GREB1L: variants seen among roughly 807,000 people sequenced by gnomAD.
GREB1L encodes GREB1 like retinoic acid receptor coactivator.
Under a neutral mutation model 200.8 loss-of-function variants are expected in GREB1L, and 17 were observed. That is an observed-to-expected ratio of 0.08 (90% confidence interval 0.06 to 0.13). The LOEUF is 0.13. Among genes scored for constraint, GREB1L ranks in the 10% least tolerant of loss-of-function variants. The probability of loss-of-function intolerance (pLI) is 1.00; values close to 1 mark genes in which losing one functional copy is unlikely to be tolerated. For synonymous variants in GREB1L, 789 were observed against 893.0 expected (o/e 0.88, Z 2.08); for missense variants, 1,657 against 2,367.7 (o/e 0.70, Z 6.23).
At chr18:21,403,403 C>T (rs1438054944) in intron 6 of GREB1L, among the ~76,000 whole-genome samples, 1 of 152,118 alleles carries the variant, frequency 6.6e-6, no homozygotes, top group Admixed American at 6.5e-5. Flanking sequence ...ATACATTTTT[C>T]TTTGCTTCTG....
chr18:21,491,438 A>C (rs7226617), intron 19 of GREB1L, among the ~76,000 whole-genome samples: 49,578 of 152,004 alleles, frequency 0.33, 11,183 homozygotes, highest in African/African-American at 0.61. Context: ...GGCTGGGCGC[A>C]GTGGCTCATG....
intron 1 of GREB1L, among the ~76,000 whole-genome samples, chr18:21,351,249 T>A (rs1344895132): frequency 6.6e-6 from 1 of 152,160 alleles, no homozygotes; most frequent in African/African-American, 2.4e-5. Flanking sequence ...CTGCTTAACA[T>A]TTTGAAAACT....
intron 7 of GREB1L, among the ~76,000 whole-genome samples, chr18:21,416,507 A>G (rs1327887475): frequency 1.3e-5 from 2 of 152,082 alleles, no homozygotes; most frequent in East Asian, 3.9e-4. Flanking sequence ...CCTGGCTAAC[A>G]TGGTGAAACC....
chr18:21,395,132 A>G (rs1473039807), intron 4 of GREB1L, among the ~76,000 whole-genome samples: 2 of 151,334 alleles, frequency 1.3e-5, no homozygotes, highest in African/African-American at 4.9e-5. Context: ...AGAAAAAAAA[A>G]AGAAAAAATA....
intron 2 of GREB1L, among the ~76,000 whole-genome samples, chr18:21,372,144 G>GTT: frequency 6.7e-6 from 1 of 149,654 alleles, no homozygotes; most frequent in African/African-American, 2.5e-5. Flanking sequence ...ATACAAATTT[G>GTT]TCTCTCTTTT....
intron 12 of GREB1L, 129 bp from the exon 13 acceptor site, chr18:21,450,894 T>A (rs1403961157): frequency 1.3e-6 from 1 of 765,398 alleles, no homozygotes; most frequent in Non-Finnish European, 2.1e-6. Flanking sequence ...TTTTGATGTG[T>A]CATAATTTTC....
intron 7 of GREB1L, among the ~76,000 whole-genome samples, chr18:21,420,418 T>A (rs1381541439): frequency 2.1e-5 from 3 of 145,790 alleles, no homozygotes; most frequent in Non-Finnish European, 4.5e-5. Context: ...AGGAGAAAAA[T>A]CTTTGCAAAG....
chr18:21,364,661 G>C (rs1473926502), intron 1 of GREB1L, among the ~76,000 whole-genome samples: 1 of 152,142 alleles, frequency 6.6e-6, no homozygotes, highest in South Asian at 2.1e-4. Flanking sequence ...GGATCAGGTC[G>C]TTTAAGAGAA....
At chr18:21,455,266 T>G (rs2034703599) in intron 15 of GREB1L, 1 of 152,128 alleles carries the variant, frequency 6.6e-6, no homozygotes, top group Non-Finnish European at 1.5e-5. Context: ...TAAACTAGGT[T>G]TGAAAACGAA....
At chr18:21,297,221 A>C (rs572927173) in intron 1 of GREB1L, among the ~76,000 whole-genome samples, 2 of 152,286 alleles carry the variant, frequency 1.3e-5, no homozygotes, top group South Asian at 4.1e-4. Flanking sequence ...TGTAGAGAAA[A>C]GATGAGAAAT....
At chr18:21,328,956 G>T (rs1386558916) in intron 1 of GREB1L, among the ~76,000 whole-genome samples, 3 of 152,162 alleles carry the variant, frequency 2.0e-5, no homozygotes, top group African/African-American at 7.2e-5. Flanking sequence ...CCCTTGAAAT[G>T]TGGGGGAGCT....
At chr18:21,296,665 T>G (rs1163375413) in intron 1 of GREB1L, among the ~76,000 whole-genome samples, 1 of 151,898 alleles carries the variant, frequency 6.6e-6, no homozygotes, top group Admixed American at 6.6e-5. Context: ...TTTTGTTTTT[T>G]TTTTTTTGAG....
At position 21,422,821 on chromosome 18, in the gene GREB1L, G is replaced by A. The variant is rs118137303; in HGVS notation, c.833-16700G>A. 2.5e-3 allele frequency among the ~76,000 whole-genome samples: 382 copies of A among 152,268 alleles called. 2 individuals carry two copies. The highest frequency in any genetic ancestry group is 4.8e-3 in the Non-Finnish European group (324 of 68,026). On this transcript the variant is annotated intron_variant, in intron 7 of 32. Coordinates refer to ENST00000424526, the MANE Select transcript of GREB1L (RefSeq NM_001142966.3). ...ATACTCATTTGTAATTTCTATGCAT[G>A]CTGTCAAATTACTCTCCTAACAGGT... is the stretch of plus-strand genomic sequence containing the variant.
At position 21,525,623 on chromosome 18, in the gene GREB1L, A is replaced by AAAC. The variant is rs1279094177; in HGVS notation, c.*2804_*2806dup. Among the ~76,000 whole-genome samples, 5 of 152,216 alleles carry AAAC rather than the reference A, an allele frequency of 3.3e-5. No individual in the cohort carries two copies. The highest frequency in any genetic ancestry group is 9.6e-5 in the African/African-American group (4 of 41,456). ...TACACTCACTTTGATGTCCTTCTGGAAACAGAACAACTTTGGGTTGCTAAA... is the reference window on the plus strand; with the variant it reads ...TACACTCACTTTGATGTCCTTCTGGAAACAACAGAACAACTTTGGGTTGCTAAA... On this transcript the variant is annotated 3_prime_UTR_variant, in exon 33 of 33. Coordinates refer to ENST00000424526, the MANE Select transcript of GREB1L (RefSeq NM_001142966.3).
chr18:21,466,491 A>G (rs2035266913), intron 15 of GREB1L, among the ~76,000 whole-genome samples: 1 of 152,076 alleles, frequency 6.6e-6, no homozygotes, highest in African/African-American at 2.4e-5. Flanking sequence ...TGAAAATGAA[A>G]TTGAGAAAAT....
intron 32 of GREB1L, 89 bp from the exon 33 acceptor site, chr18:21,522,569 G>A: frequency 9.9e-7 from 1 of 1,013,018 alleles, no homozygotes; most frequent in Non-Finnish European, 1.4e-6. Flanking sequence ...GTTCTCAGAT[G>A]TGTTAGCTTA....
At chr18:21,318,533 T>C (rs1177506933) in intron 1 of GREB1L, among the ~76,000 whole-genome samples, 1 of 152,222 alleles carries the variant, frequency 6.6e-6, no homozygotes, top group African/African-American at 2.4e-5. Flanking sequence ...CAAAACCCAG[T>C]CATAATTGGT....
chr18:21,376,119 C>T (rs1444731838), intron 2 of GREB1L, among the ~76,000 whole-genome samples: 1 of 151,822 alleles, frequency 6.6e-6, no homozygotes, highest in Non-Finnish European at 1.5e-5. Flanking sequence ...CTGCTGTATA[C>T]TTTTTTAAAA....
intron 19 of GREB1L, among the ~76,000 whole-genome samples, chr18:21,494,007 G>A (rs2036448563): frequency 6.6e-6 from 1 of 151,618 alleles, no homozygotes; most frequent in African/African-American, 2.4e-5. Flanking sequence ...CACATTCAGG[G>A]AGAAACCCAG....
Sources: allele counts gnomAD v4.1 joint callset (sites outside exome capture counted in the v4.1 genomes callset), GRCh38; gene constraint gnomAD v4.1.1; transcripts MANE v1.5; gene names NCBI Gene and HGNC (gene_info 2026-07-23, HGNC 2026-07-21).